The following NOTCH2NLC variants were observed in gnomAD, a reference collection of about 807,000 sequenced individuals.
The protein encoded by NOTCH2NLC is notch 2 N-terminal like C.
Under a neutral mutation model 17.7 loss-of-function variants are expected in NOTCH2NLC, and 4 were observed. The ratio of observed to expected loss-of-function variants is 0.23; its 90% confidence interval spans 0.11 to 0.52. NOTCH2NLC has a LOEUF of 0.52. NOTCH2NLC is among the 20% of genes least tolerant of loss of function. The pLI, the probability that NOTCH2NLC is intolerant of heterozygous loss-of-function variation, is 0.96. For synonymous variants in NOTCH2NLC, 18 were observed against 86.0 expected (o/e 0.21, Z 4.38); for missense variants, 57 against 207.2 (o/e 0.28, Z 4.45).
chr1:149,449,038 C>T (rs1247482614), intron 2 of NOTCH2NLC, among the ~76,000 whole-genome samples: 9 of 147,760 alleles, frequency 6.1e-5, no homozygotes, highest in Non-Finnish European at 6.0e-5. Context: ...CCCGCCACCA[C>T]GCCTGGCTAA....
intron 2 of NOTCH2NLC, among the ~76,000 whole-genome samples, chr1:149,448,729 G>A (rs2084570430): frequency 1.3e-5 from 2 of 149,474 alleles, no homozygotes; most frequent in African/African-American, 2.5e-5. Flanking sequence ...CATGTGTTAA[G>A]CCTTTTTCCA....
chr1:149,392,637 CT>C (rs2101458429), intron 1 of NOTCH2NLC, among the ~76,000 whole-genome samples: 1 of 151,280 alleles, frequency 6.6e-6, no homozygotes, highest in South Asian at 2.1e-4. Flanking sequence ...GGTAATAATC[CT>C]TGGTCTATCA....
rs2084719008 is a variant in NOTCH2NLC, at chr1:149,471,413, A to T, written c.*7260A>T. Among the ~76,000 whole-genome samples the T allele has an allele frequency of 1.3e-5, 2 of 149,544 alleles. No individual in the cohort carries two copies. The highest frequency in any genetic ancestry group is 4.9e-5 in the African/African-American group (2 of 40,726). On this transcript the variant is annotated 3_prime_UTR_variant, in exon 5 of 5. Coordinates refer to ENST00000650865, the MANE Select transcript of NOTCH2NLC (RefSeq NM_001364013.2). ...TGCTTATCCCACATTACAAAGATTT[A>T]CTACTTCTAAGTGATTTATAATTTT...
intron 1 of NOTCH2NLC, among the ~76,000 whole-genome samples, chr1:149,413,037 C>T (rs1187397945): frequency 6.1e-5 from 9 of 146,970 alleles, no homozygotes; most frequent in Middle Eastern, 3.5e-3. Context: ...CCCGAGTAGC[C>T]GGGATTACTG....
At chr1:149,430,571 A>G (rs2084443040) in intron 1 of NOTCH2NLC, among the ~76,000 whole-genome samples, 1 of 141,770 alleles carries the variant, frequency 7.1e-6, no homozygotes, top group South Asian at 2.4e-4. Flanking sequence ...GCATTTTCCT[A>G]AACACTCATT....
chr1:149,402,049 A>T (rs1210146970), intron 1 of NOTCH2NLC, among the ~76,000 whole-genome samples: 2 of 146,010 alleles, frequency 1.4e-5, no homozygotes, highest in Non-Finnish European at 3.0e-5. Context: ...ATAATAAGTG[A>T]CAGAGCTGGT....
At chr1:149,400,134 TATATA>T in intron 1 of NOTCH2NLC, among the ~76,000 whole-genome samples, 3 of 140,882 alleles carry the variant, frequency 2.1e-5, no homozygotes, top group Non-Finnish European at 3.1e-5. Flanking sequence ...ATATATATAA[TATATA>T]TTTTTTTTTT....
chr1:149,429,132 TG>T (rs1306544417), intron 1 of NOTCH2NLC, among the ~76,000 whole-genome samples: 18 of 147,024 alleles, frequency 1.2e-4, no homozygotes, highest in Admixed American at 1.2e-3. Context: ...TGAATTTGCC[TG>T]TTTGGGCCTG....
chr1:149,462,823 C>T lies in NOTCH2NLC; in HGVS notation c.470-668C>T, dbSNP rs1477471137. 3.0e-4 allele frequency among the ~76,000 whole-genome samples: 41 copies of T among 135,178 alleles called. 2 individuals carry two copies. Among genetic ancestry groups the T allele is most frequent in the Non-Finnish European group, 5.6e-4 (36 of 64,052 alleles). 88.7% of individuals were successfully genotyped at this position (135,178 alleles called of 152,430 possible). ...AGGGAGAGTTCACTAGGAAAACAGA[C>T]GGGAAGTTGATTTTTTTTTTTTTTT... On this transcript the variant is annotated intron_variant, in intron 3 of 4. Coordinates refer to ENST00000650865, the MANE Select transcript of NOTCH2NLC (RefSeq NM_001364013.2).
At chr1:149,461,254 G>A (rs1465775096) in intron 3 of NOTCH2NLC, among the ~76,000 whole-genome samples, 1 of 148,566 alleles carries the variant, frequency 6.7e-6, no homozygotes, top group African/African-American at 2.5e-5. Flanking sequence ...TTCCGTTTCA[G>A]TTGTGGGCAT....
chr1:149,417,154 G>A (rs1315144189), intron 1 of NOTCH2NLC, among the ~76,000 whole-genome samples: 1 of 118,550 alleles, frequency 8.4e-6, no homozygotes, highest in East Asian at 2.7e-4. Flanking sequence ...CTTTCGCCCA[G>A]GCTGGAGTGC....
Position 149,466,413 on chromosome 1 carries a change from TCAAAA to T in NOTCH2NLC, c.*2264_*2268del, listed in dbSNP as rs2084684566. On this transcript the variant is annotated 3_prime_UTR_variant, in exon 5 of 5. Coordinates refer to ENST00000650865, the MANE Select transcript of NOTCH2NLC (RefSeq NM_001364013.2). ...ATATAGAAGGAAATTTAAAGAGAAT[TCAAAA>T]CAATAGATGATGCAGTGACACTGTG... 2 of 141,746 alleles carry T rather than the reference TCAAAA, an allele frequency of 1.4e-5. No individual in the cohort carries two copies. Among genetic ancestry groups the T allele is most frequent in the South Asian group, 4.5e-4 (2 of 4,430 alleles). 8.8% of individuals were successfully genotyped at this position (141,746 alleles called of 1,614,324 possible). A position where few individuals can be genotyped will look rare whatever the true frequency, so the allele number is the denominator to read the frequency against.
At chr1:149,436,759 C>T (rs1383384045) in intron 2 of NOTCH2NLC, among the ~76,000 whole-genome samples, 4 of 149,136 alleles carry the variant, frequency 2.7e-5, no homozygotes, top group South Asian at 4.2e-4. Flanking sequence ...CCTTCAAGTA[C>T]GGTGCCTATT....
At chr1:149,449,145 T>G (rs2084574606) in intron 2 of NOTCH2NLC, among the ~76,000 whole-genome samples, 2 of 150,660 alleles carry the variant, frequency 1.3e-5, no homozygotes, top group African/African-American at 4.9e-5. Flanking sequence ...CCTCCCAAAG[T>G]GCTGAGATTA....
chr1:149,400,063 A>G (rs1376786141), intron 1 of NOTCH2NLC, among the ~76,000 whole-genome samples: 4 of 147,508 alleles, frequency 2.7e-5, no homozygotes, highest in African/African-American at 9.9e-5. Flanking sequence ...ATTTTTTGGT[A>G]TACGTCTTTG....
intron 2 of NOTCH2NLC, among the ~76,000 whole-genome samples, chr1:149,449,234 A>G (rs2084575195): frequency 6.6e-6 from 1 of 151,024 alleles, no homozygotes; most frequent in Non-Finnish European, 1.5e-5. Flanking sequence ...TATAAAATGG[A>G]GATTATAATA....
intron 1 of NOTCH2NLC, among the ~76,000 whole-genome samples, chr1:149,424,056 A>T (rs2101482975): frequency 6.6e-6 from 1 of 151,340 alleles, no homozygotes; most frequent in Admixed American, 6.6e-5. Context: ...AAACCTAGGT[A>T]AATGCCTAGA....
intron 1 of NOTCH2NLC, among the ~76,000 whole-genome samples, chr1:149,393,441 G>A (rs2084187416): frequency 6.7e-6 from 1 of 149,126 alleles, no homozygotes; most frequent in South Asian, 2.2e-4. Context: ...ACCAATTACA[G>A]CACACCCTTC....
At chr1:149,461,072 T>C (rs1445924603) in intron 3 of NOTCH2NLC, among the ~76,000 whole-genome samples, 15 of 149,666 alleles carry the variant, frequency 1.0e-4, no homozygotes, top group African/African-American at 3.7e-4. Context: ...GTAGCTGGGA[T>C]TACAGGTATG....
Sources: gnomAD v4.1 joint callset for allele counts (sites outside exome capture counted in the v4.1 genomes callset) on GRCh38, gnomAD v4.1.1 for gene constraint, MANE v1.5 for transcripts, NCBI Gene and HGNC (gene_info 2026-07-23, HGNC 2026-07-21) for gene names.